XKR6: variants seen among roughly 807,000 people sequenced by gnomAD.
The protein encoded by XKR6 is XK-related protein 6.
A neutral mutation model predicts 56.7 loss-of-function variants in XKR6; 22 were observed. The ratio of observed to expected loss-of-function variants is 0.39; its 90% CI spans 0.28 to 0.55. The LOEUF is 0.55. XKR6 is among the 20% of genes least tolerant of loss of function. The pLI is 0.66. For synonymous variants in XKR6, 524 were observed against 387.8 expected (o/e 1.35, Z -4.13); for missense variants, 852 against 889.0 (o/e 0.96, Z 0.53).
At chr8:11,031,506 C>T (rs1005765683) in intron 1 of XKR6, among the ~76,000 whole-genome samples, 17 of 152,216 alleles carry the variant, frequency 1.1e-4, no homozygotes, top group African/African-American at 3.6e-4. Context: ...GAAAGAACCA[C>T]TCCAGGAGAC....
chr8:10,930,319 G>A (rs985060185), intron 1 of XKR6, among the ~76,000 whole-genome samples: 4 of 152,020 alleles, frequency 2.6e-5, no homozygotes, highest in Non-Finnish European at 4.4e-5. Flanking sequence ...TGTTTTGTGG[G>A]GTCTGAGGCT....
rs1044576642 is a variant in XKR6 at position 11,201,480 on chromosome 8, G to A, written c.-141C>T. The A allele has an allele frequency of 5.3e-6, 3 of 570,950 alleles. No individual in the cohort carries two copies. The highest frequency in any genetic ancestry group is 9.1e-6 in the Non-Finnish European group (3 of 329,024). The allele number at this position is 570,950 out of a possible 1,614,324, so 35.4% of individuals were successfully genotyped here. A position where few individuals can be genotyped will look rare whatever the true frequency, so the allele number is the denominator to read the frequency against. On this transcript the variant is annotated 5_prime_UTR_variant, in exon 1 of 3. Coordinates refer to ENST00000416569, the MANE Select transcript of XKR6 (RefSeq NM_173683.4). ...AGCGGGGGAGCAAACGAACGAGGGGGGAGTGGGCCAGGGAACCCCCTCCGC... is the reference window on the plus strand; with the variant it reads ...AGCGGGGGAGCAAACGAACGAGGGGAGAGTGGGCCAGGGAACCCCCTCCGC...
intron 1 of XKR6, among the ~76,000 whole-genome samples, chr8:10,976,961 A>C (rs1175140676): frequency 2.6e-5 from 4 of 152,088 alleles, no homozygotes; most frequent in Admixed American, 2.6e-4. Context: ...CATGCCATGG[A>C]TGCAGGTCGT....
chr8:10,946,569 G>C (rs371695197), intron 1 of XKR6, among the ~76,000 whole-genome samples: 2 of 151,822 alleles, frequency 1.3e-5, no homozygotes, highest in African/African-American at 2.4e-5. Context: ...CCCTCCCCAC[G>C]GGCTATGCTG....
chr8:11,015,978 G>T (rs1203606296), intron 1 of XKR6, among the ~76,000 whole-genome samples: 1 of 152,204 alleles, frequency 6.6e-6, no homozygotes, highest in African/African-American at 2.4e-5. Context: ...AGGGCGGGCA[G>T]CAGGGCTCAG....
intron 1 of XKR6, among the ~76,000 whole-genome samples, chr8:10,947,758 T>C (rs1234603528): frequency 1.3e-5 from 2 of 152,216 alleles, no homozygotes; most frequent in Non-Finnish European, 2.9e-5. Context: ...CCCTTGAGAA[T>C]AGCCCACCGC....
At chr8:10,996,813 G>T (rs1370785121) in intron 1 of XKR6, among the ~76,000 whole-genome samples, 1 of 152,056 alleles carries the variant, frequency 6.6e-6, no homozygotes, top group Admixed American at 6.6e-5. Context: ...AAGAGTTTGA[G>T]ACCTACCTAA....
At chr8:10,912,596 A>G (rs1290905414) in intron 2 of XKR6, among the ~76,000 whole-genome samples, 2 of 141,618 alleles carry the variant, frequency 1.4e-5, no homozygotes, top group South Asian at 4.4e-4. Context: ...ATATATATGT[A>G]GAGAGAGAGA....
chr8:10,985,319 C>T (rs916963780), intron 1 of XKR6, among the ~76,000 whole-genome samples: 1 of 152,030 alleles, frequency 6.6e-6, no homozygotes, highest in Non-Finnish European at 1.5e-5. Flanking sequence ...AAGGAGAGTT[C>T]TCCTGCACCC....
chr8:10,902,374 C>T (rs1402114703), intron 2 of XKR6, among the ~76,000 whole-genome samples: 2 of 152,232 alleles, frequency 1.3e-5, no homozygotes, highest in Non-Finnish European at 2.9e-5. Context: ...CTTCAACCCA[C>T]CCATTCCACA....
intron 1 of XKR6, among the ~76,000 whole-genome samples, chr8:10,970,539 G>A (rs1802376837): frequency 6.6e-6 from 1 of 151,826 alleles, no homozygotes; most frequent in South Asian, 2.1e-4. Context: ...AAATGCCCCA[G>A]CCTCATTGAG....
chr8:11,144,801 T>C (rs1800895883), intron 1 of XKR6, among the ~76,000 whole-genome samples: 1 of 150,558 alleles, frequency 6.6e-6, no homozygotes, highest in African/African-American at 2.5e-5. Context: ...TCCAGAGCCC[T>C]GCCTTGTTCA....
intron 2 of XKR6, among the ~76,000 whole-genome samples, chr8:10,910,381 C>T (rs530947112): frequency 6.6e-6 from 1 of 152,146 alleles, no homozygotes; most frequent in Non-Finnish European, 1.5e-5. Context: ...CCTAACGGGC[C>T]TGGAGGTACA....
chr8:11,192,072 C>T (rs1203346814), intron 1 of XKR6, among the ~76,000 whole-genome samples: 1 of 152,128 alleles, frequency 6.6e-6, no homozygotes, highest in African/African-American at 2.4e-5. Flanking sequence ...CGCCTATAAT[C>T]CTTGGGAGGA....
intron 1 of XKR6, among the ~76,000 whole-genome samples, chr8:11,035,834 T>C (rs886742794): frequency 1.4e-4 from 22 of 152,072 alleles, no homozygotes; most frequent in Admixed American, 7.2e-4. Flanking sequence ...GGTCTGATTT[T>C]TTTCCCTGAA....
chr8:11,199,436 G>A (rs752476789), intron 1 of XKR6, among the ~76,000 whole-genome samples: 5 of 152,210 alleles, frequency 3.3e-5, no homozygotes, highest in African/African-American at 7.2e-5. Context: ...ACTACTAAAT[G>A]CCTAAAATCT....
chr8:11,170,986 G>A (rs933984151), intron 1 of XKR6, among the ~76,000 whole-genome samples: 1 of 152,172 alleles, frequency 6.6e-6, no homozygotes, highest in African/African-American at 2.4e-5. Context: ...TCCAACATCA[G>A]AATTTAGATT....
intron 1 of XKR6, chr8:11,107,950 G>A (rs571588406): frequency 4.8e-5 from 14 of 292,966 alleles, no homozygotes; most frequent in South Asian, 3.8e-4. Context: ...GCACCACTCT[G>A]ATGATGCTCT....
intron 1 of XKR6, among the ~76,000 whole-genome samples, chr8:10,968,667 TCCTACCTGACC>T (rs572686020): frequency 1.5e-3 from 234 of 152,252 alleles, no homozygotes; most frequent in African/African-American, 5.4e-3. Context: ...ATTCCCTCTC[TCCTACCTGACC>T]CCATCGGATA....
Sources: gnomAD v4.1 joint callset for allele counts (sites outside exome capture counted in the v4.1 genomes callset) on GRCh38, gnomAD v4.1.1 for gene constraint, MANE v1.5 for transcripts, NCBI Gene and HGNC (gene_info 2026-07-23, HGNC 2026-07-21) for gene names.